PTPRR: variants seen among roughly 807,000 people sequenced by gnomAD.
PTPRR encodes the protein protein tyrosine phosphatase receptor type R.
A neutral mutation model predicts 77.2 loss-of-function variants in PTPRR; 38 were observed. That is an observed-to-expected ratio of 0.49 (90% CI 0.38 to 0.65). The LOEUF (loss-of-function observed/expected upper bound fraction) is 0.65. Ranked by LOEUF, PTPRR falls within the 30% of genes least tolerant of loss-of-function variation. PTPRR has a pLI of 0.00. For missense variants in PTPRR, 744 were observed against 799.2 expected, an observed-to-expected ratio of 0.93 and a Z score of 0.83; for synonymous variants, 299 against 283.1, an observed-to-expected ratio of 1.06 and a Z score of -0.57.
intron 2 of PTPRR, among the ~76,000 whole-genome samples, chr12:70,796,751 C>G (rs753115701): frequency 6.6e-6 from 1 of 152,048 alleles, no homozygotes; most frequent in Non-Finnish European, 1.5e-5. Context: ...TAACTAAGGC[C>G]GGGCATGGTG....
At chr12:70,716,405 A>T (rs2136829564) in intron 6 of PTPRR, among the ~76,000 whole-genome samples, 1 of 152,100 alleles carries the variant, frequency 6.6e-6, no homozygotes, top group South Asian at 2.1e-4. Flanking sequence ...GTACTATTAT[A>T]CTTATGTATT....
chr12:70,827,123 C>G (rs1184279258), intron 2 of PTPRR, among the ~76,000 whole-genome samples: 1 of 152,188 alleles, frequency 6.6e-6, no homozygotes. Context: ...GCATGGCCCT[C>G]TAATATCACC....
intron 5 of PTPRR, among the ~76,000 whole-genome samples, chr12:70,753,229 C>T (rs1890457656): frequency 6.6e-6 from 1 of 152,160 alleles, no homozygotes; most frequent in South Asian, 2.1e-4. Context: ...CCCAATCTTT[C>T]TAACAGTAAC....
intron 13 of PTPRR, among the ~76,000 whole-genome samples, chr12:70,647,150 T>C (rs10879174): frequency 0.4 from 60,733 of 151,646 alleles, 14,825 homozygotes; most frequent in African/African-American, 0.67. Flanking sequence ...AAGAAGGATT[T>C]GACAGATAAT....
chr12:70,909,715 T>C (rs1377447731), intron 1 of PTPRR, among the ~76,000 whole-genome samples: 1 of 152,182 alleles, frequency 6.6e-6, no homozygotes, highest in African/African-American at 2.4e-5. Flanking sequence ...GCATTAGAAG[T>C]GGAATGTTTT....
At chr12:70,751,408 C>T (rs1449525167) in intron 5 of PTPRR, among the ~76,000 whole-genome samples, 1 of 152,148 alleles carries the variant, frequency 6.6e-6, no homozygotes, top group Non-Finnish European at 1.5e-5. Flanking sequence ...CCTTCCACAA[C>T]TCTCCCCATC....
intron 2 of PTPRR, among the ~76,000 whole-genome samples, chr12:70,890,231 T>A (rs1468137762): frequency 1.3e-5 from 2 of 152,176 alleles, no homozygotes; most frequent in East Asian, 3.8e-4. Context: ...AATAACAGCT[T>A]CTTAATTGAG....
Position 70,639,295 on chromosome 12 carries a change from T to C in PTPRR, c.1881-18A>G, listed in dbSNP as rs778943289. ...TTCCACCTCTGCAAGGAAGAAATCA[T>C]AAAATAACTGATTTTGCTAAAATCT... On this transcript the variant is annotated intron_variant, in intron 13 of 13. Transcript: ENST00000283228. 3 of 1,607,960 alleles carry C rather than the reference T, an allele frequency of 1.9e-6. No homozygotes were observed. Among genetic ancestry groups the C allele is most frequent in the South Asian group, 2.2e-5 (2 of 90,612 alleles).
At chr12:70,895,176 C>G (rs1893405685) in intron 1 of PTPRR, among the ~76,000 whole-genome samples, 1 of 151,596 alleles carries the variant, frequency 6.6e-6, no homozygotes, top group Admixed American at 6.6e-5. Flanking sequence ...CCTGTAAAAA[C>G]TAGCAATTCC....
At chr12:70,723,728 T>C (rs970802370) in intron 6 of PTPRR, among the ~76,000 whole-genome samples, 1 of 152,198 alleles carries the variant, frequency 6.6e-6, no homozygotes, top group Non-Finnish European at 1.5e-5. Flanking sequence ...TTAAAGATTT[T>C]TCTTATTTCC....
At chr12:70,869,088 G>C (rs1892915442) in intron 2 of PTPRR, among the ~76,000 whole-genome samples, 1 of 150,724 alleles carries the variant, frequency 6.6e-6, no homozygotes, top group Non-Finnish European at 1.5e-5. Flanking sequence ...AATGCTAAAT[G>C]ACGAGTTAAT....
Position 70,867,884 on chromosome 12 carries a change from A to T in PTPRR, c.357+24795T>A, listed in dbSNP as rs533931481. Among the ~76,000 whole-genome samples, 6 of 152,174 alleles carry T rather than the reference A, an allele frequency of 3.9e-5. 1 individual carries two copies. The South Asian group carries it at 8.3e-4, about 21-fold the overall frequency. On this transcript the variant is annotated intron_variant, in intron 2 of 13. Coordinates refer to ENST00000283228, the MANE Select transcript of PTPRR (RefSeq NM_002849.4). Reference sequence around the variant, plus strand: ...ACAGAGCCCTCAGAAATAATGCCGCATATCTACAACCATCTGATCTTTGAC... The same window carrying T: ...ACAGAGCCCTCAGAAATAATGCCGCTTATCTACAACCATCTGATCTTTGAC...
rs151083446 is a variant in PTPRR at position 70,889,871 on chromosome 12, T to C, written c.357+2808A>G. Among the ~76,000 whole-genome samples, 398 of 152,216 alleles carry C rather than the reference T, an allele frequency of 2.6e-3. 1 individual carries two copies. Among genetic ancestry groups the C allele is most frequent in the African/African-American group, 8.7e-3 (360 of 41,536 alleles). ...ACAGAGTAAATCATAATCTTCCCAT[T>C]TCCATGCCGTTTCACTGATGTCAAA... On this transcript the variant is annotated intron_variant, in intron 2 of 13. Transcript: ENST00000283228.
chr12:70,731,074 A>AAGAGAGAGGGAGGAAGGAAGGAGGAAGG (rs1889642524), intron 6 of PTPRR, among the ~76,000 whole-genome samples: 1 of 86,874 alleles, frequency 1.2e-5, no homozygotes. Context: ...GGAGGAAGGC[A>AAGAGAGAGGGAGGAAGGAAGGAGGAAGG]AGAGAGAGGA....
At chr12:70,753,033 T>C (rs570959897) in intron 5 of PTPRR, among the ~76,000 whole-genome samples, 1 of 152,348 alleles carries the variant, frequency 6.6e-6, no homozygotes, top group East Asian at 1.9e-4. Flanking sequence ...TTAGAAATTT[T>C]TTTTTTCTTA....
intron 6 of PTPRR, among the ~76,000 whole-genome samples, chr12:70,717,862 A>T (rs564005966): frequency 1.3e-5 from 2 of 152,346 alleles, no homozygotes; most frequent in African/African-American, 4.8e-5. Flanking sequence ...TCTGTTTATC[A>T]TAATGTTTTG....
chr12:70,734,668 G>A (rs1287249382), intron 6 of PTPRR, among the ~76,000 whole-genome samples: 1 of 152,142 alleles, frequency 6.6e-6, no homozygotes, highest in Non-Finnish European at 1.5e-5. Flanking sequence ...GAAAGGGAAG[G>A]CAAGGAAAGG....
intron 2 of PTPRR, among the ~76,000 whole-genome samples, chr12:70,842,387 G>A (rs1244699931): frequency 2.0e-5 from 3 of 152,196 alleles, no homozygotes; most frequent in Admixed American, 2.0e-4. Context: ...TGACATGCAT[G>A]TTGGTTTCCT....
intron 6 of PTPRR, among the ~76,000 whole-genome samples, chr12:70,701,912 G>C (rs1305774604): frequency 6.6e-6 from 1 of 152,150 alleles, no homozygotes; most frequent in Non-Finnish European, 1.5e-5. Context: ...GGTTGAGGCT[G>C]CAGTGAGCCG....
Sources: allele counts gnomAD v4.1 joint callset (sites outside exome capture counted in the v4.1 genomes callset), GRCh38; gene constraint gnomAD v4.1.1; transcripts MANE v1.5; gene names NCBI Gene and HGNC (gene_info 2026-07-23, HGNC 2026-07-21).